Variants in ADA2 observed in about 807,000 individuals in gnomAD.
ADA2 encodes the protein adenosine deaminase CECR1.
Under a neutral mutation model 44.2 loss-of-function variants are expected in ADA2, and 29 were observed. The observed-to-expected ratio is 0.66, with a 90% CI of 0.49 to 0.89. The LOEUF (loss-of-function observed/expected upper bound fraction) is 0.89. Among genes scored for constraint, ADA2 ranks in the 40% least tolerant of loss-of-function variants. ADA2 has a pLI of 0.00. For synonymous variants in ADA2, 215 were observed against 234.9 expected, an observed-to-expected ratio of 0.92 and a Z score of 0.77; for missense variants, 637 against 644.8, an observed-to-expected ratio of 0.99 and a Z score of 0.13.
chr22:17,217,503 C>T (rs749595383), intron 1 of ADA2, among the ~76,000 whole-genome samples: 63 of 152,178 alleles, frequency 4.1e-4, no homozygotes, highest in Non-Finnish European at 7.3e-4. Context: ...CTCTATGCTG[C>T]TCCTTTACCT....
At chr22:17,220,882 T>C (rs1447651149), upstream of ADA2, among the ~76,000 whole-genome samples, 6 of 151,540 alleles carry the variant, frequency 4.0e-5, no homozygotes, top group African/African-American at 1.5e-4. Flanking sequence ...TCATCAAGAG[T>C]TCAAGACTAG....
At chr22:17,201,684 C>A (rs1310280994) in intron 4 of ADA2, among the ~76,000 whole-genome samples, 1 of 152,174 alleles carries the variant, frequency 6.6e-6, no homozygotes, top group East Asian at 1.9e-4. Flanking sequence ...CAAAAACATC[C>A]TCAGGAAAGT....
At chr22:17,185,335 G>C (rs1392711401) in intron 7 of ADA2, among the ~76,000 whole-genome samples, 1 of 151,942 alleles carries the variant, frequency 6.6e-6, no homozygotes, top group African/African-American at 2.4e-5. Context: ...AGAATGGCGT[G>C]AACCTGGGAG....
At chr22:17,189,635 A>C in intron 6 of ADA2, 1 of 317,402 alleles carries the variant, frequency 3.2e-6, no homozygotes, top group Non-Finnish European at 6.1e-6. Flanking sequence ...GCCATGGGGA[A>C]TGAGCCCATA....
At chr22:17,211,552 G>A (rs2062418287) in intron 1 of ADA2, among the ~76,000 whole-genome samples, 1 of 152,034 alleles carries the variant, frequency 6.6e-6, no homozygotes, top group African/African-American at 2.4e-5. Context: ...AAGTTCACCT[G>A]AGCCTGGGAA....
chr22:17,204,204 C>T (rs1274167401), intron 3 of ADA2, among the ~76,000 whole-genome samples: 3 of 152,172 alleles, frequency 2.0e-5, no homozygotes, highest in Non-Finnish European at 4.4e-5. Context: ...TGTCCCCAAA[C>T]CCCCAAATTC....
intron 4 of ADA2, among the ~76,000 whole-genome samples, chr22:17,194,610 C>T (rs1207550451): frequency 2.0e-5 from 3 of 152,092 alleles, no homozygotes; most frequent in Non-Finnish European, 4.4e-5. Flanking sequence ...TCACACAGCC[C>T]CCCACAACCT....
chr22:17,192,865 C>T (rs1336580037), intron 4 of ADA2: 56 of 449,408 alleles, frequency 1.2e-4, no homozygotes, highest in South Asian at 9.0e-4. Flanking sequence ...TCTTCCTCGG[C>T]GCTGCCTACA....
At chr22:17,191,977 C>T (rs2062122584) in intron 4 of ADA2, among the ~76,000 whole-genome samples, 167 bp from the exon 5 acceptor site, 1 of 151,236 alleles carries the variant, frequency 6.6e-6, no homozygotes, top group Non-Finnish European at 1.5e-5. Flanking sequence ...GCCCAGCCAC[C>T]CTTGCCCAGC....
intron 8 of ADA2, among the ~76,000 whole-genome samples, chr22:17,182,326 C>T (rs144032608): frequency 1.6e-4 from 24 of 152,216 alleles, no homozygotes; most frequent in African/African-American, 3.6e-4. Context: ...TCCCATGGTC[C>T]GTCCCACTTC....
At chr22:17,220,978 C>T (rs57991508), upstream of ADA2, among the ~76,000 whole-genome samples, 25,623 of 151,720 alleles carry the variant, frequency 0.17, 2,629 homozygotes, top group Non-Finnish European at 0.22. Flanking sequence ...TCGAGACCAG[C>T]CCCTACTAAA....
intron 4 of ADA2, among the ~76,000 whole-genome samples, chr22:17,201,442 A>G (rs1420616815): frequency 1.3e-5 from 2 of 152,162 alleles, no homozygotes; most frequent in Non-Finnish European, 2.9e-5. Flanking sequence ...TACTGCCACC[A>G]TGTGGGCCTT....
intron 1 of ADA2, among the ~76,000 whole-genome samples, chr22:17,214,553 G>A (rs1299934630): frequency 1.3e-5 from 2 of 152,158 alleles, no homozygotes; most frequent in African/African-American, 4.8e-5. Flanking sequence ...CTAATGCCAG[G>A]GTGGCCTGTA....
At position 17,213,258 on chromosome 22, in the gene ADA2, G is replaced by A. The variant is rs550111820; in HGVS notation, c.-46-3535C>T. ...ACTGGTGGGAGTGTAAACTAGTACAGCCACTATGGAGAACAGTATGGATAT... is the reference window on the plus strand; with the variant it reads ...ACTGGTGGGAGTGTAAACTAGTACAACCACTATGGAGAACAGTATGGATAT... On this transcript the variant is annotated intron_variant, in intron 1 of 9. Transcript: ENST00000399837. Among the ~76,000 whole-genome samples, 8 of 152,242 alleles carry A rather than the reference G, an allele frequency of 5.3e-5. No individual in the cohort carries two copies. The South Asian group carries it at 1.7e-3, about 32-fold the overall frequency.
At chr22:17,215,390 G>A (rs1243108904) in intron 1 of ADA2, among the ~76,000 whole-genome samples, 5 of 152,090 alleles carry the variant, frequency 3.3e-5, no homozygotes, top group African/African-American at 1.2e-4. Context: ...GGTGGATCAC[G>A]AGGTCAGGGG....
chr22:17,208,188 G>A (rs569685958), intron 2 of ADA2, among the ~76,000 whole-genome samples: 1 of 152,196 alleles, frequency 6.6e-6, no homozygotes, highest in East Asian at 1.9e-4. Context: ...CACTTTGGGA[G>A]GCCGAGGCAG....
intron 4 of ADA2, among the ~76,000 whole-genome samples, chr22:17,200,529 A>G: frequency 6.6e-6 from 1 of 152,196 alleles, no homozygotes; most frequent in East Asian, 1.9e-4. Context: ...AAGTGGAGAC[A>G]TGCAGATCAC....
In ADA2 at chr22:17,191,761, G is replaced by A; in HGVS notation, c.803C>T (p.Thr268Ile). The A allele has an allele frequency of 3.1e-6, 5 of 1,613,664 alleles. No individual in the cohort carries two copies. Among genetic ancestry groups the A allele is most frequent in the East Asian group, 2.2e-5 (1 of 44,870 alleles). ...EHHDEEWSVK[T>I]YQEVAQKFVE... ...AAACTTCTGAGCTACTTCCTGGTAAGTCTTCACTGACCACTCTTCGTCATG... is the reference window on the plus strand; with the variant it reads ...AAACTTCTGAGCTACTTCCTGGTAAATCTTCACTGACCACTCTTCGTCATG... Residue 268 changes from threonine to isoleucine, a missense_variant, in exon 5 of 10, where the codon ACT (threonine) becomes ATT (isoleucine). Thr to Ile is a moderately conservative substitution (Grantham distance 89). Coordinates refer to ENST00000399837, the MANE Select transcript of ADA2 (RefSeq NM_001282225.2).
intron 4 of ADA2, among the ~76,000 whole-genome samples, chr22:17,198,222 G>A (rs905965730): frequency 6.6e-6 from 1 of 152,140 alleles, no homozygotes; most frequent in Non-Finnish European, 1.5e-5. Flanking sequence ...GCGGCACATT[G>A]GCATCACTCA....
Sources: gnomAD v4.1 joint callset for allele counts (sites outside exome capture counted in the v4.1 genomes callset) on GRCh38, gnomAD v4.1.1 for gene constraint, MANE v1.5 for transcripts, NCBI Gene and HGNC (gene_info 2026-07-23, HGNC 2026-07-21) for gene names.